TENM1: variants seen among roughly 807,000 people sequenced by gnomAD.
TENM1 encodes the protein teneurin-1.
In TENM1, 35 loss-of-function variants were observed where a neutral mutation model predicts 174.8. The ratio of observed to expected loss-of-function variants is 0.20; its 90% CI spans 0.15 to 0.27. The LOEUF is 0.27. Ranked by LOEUF, TENM1 falls within the 10% of genes least tolerant of loss-of-function variation. The pLI is 1.00. For synonymous variants in TENM1, 781 were observed against 798.7 expected, an observed-to-expected ratio of 0.98 and a Z score of 0.37; for missense variants, 1,633 against 2,130.1, an observed-to-expected ratio of 0.77 and a Z score of 4.59.
the TENM1 span, among the ~76,000 whole-genome samples, chrX:125,097,952 A>G: frequency 9.0e-6 from 1 of 110,563 alleles, no homozygotes; most frequent in African/African-American, 3.3e-5. Context: ...TAACTTGACT[A>G]ACGTCAAATT....
chrX:124,716,161 C>G (rs948170180), intron 4 of TENM1, among the ~76,000 whole-genome samples: 3 of 111,840 alleles, frequency 2.7e-5, no homozygotes, highest in African/African-American at 9.8e-5. Flanking sequence ...CTTAATCTAT[C>G]CAGCATAACA....
chrX:124,403,286 C>T (rs1290794379), intron 27 of TENM1, among the ~76,000 whole-genome samples: 5 of 109,918 alleles, frequency 4.5e-5, no homozygotes, highest in Non-Finnish European at 7.6e-5. Context: ...TTTGGGAGGC[C>T]GAGGCAGGTG....
At chrX:124,502,941 A>G (rs2047366466) in intron 19 of TENM1, among the ~76,000 whole-genome samples, 1 of 111,851 alleles carries the variant, frequency 8.9e-6, no homozygotes, top group Non-Finnish European at 1.9e-5. Flanking sequence ...TGGTCAGTTC[A>G]TGGCCTTATA....
At chrX:125,095,544 T>C in the TENM1 span, among the ~76,000 whole-genome samples, 1 of 111,916 alleles carries the variant, frequency 8.9e-6, no homozygotes, top group Non-Finnish European at 1.9e-5. Context: ...TATATTTAAA[T>C]ACTTCATTTG....
At chrX:124,498,131 T>C (rs1390637490) in intron 19 of TENM1, among the ~76,000 whole-genome samples, 1 of 111,587 alleles carries the variant, frequency 9.0e-6, no homozygotes, top group Non-Finnish European at 1.9e-5. Context: ...TTGTGAGTGG[T>C]TGTACCATGC....
chrX:124,748,685 T>C (rs2053993299), intron 3 of TENM1, among the ~76,000 whole-genome samples: 1 of 112,041 alleles, frequency 8.9e-6, no homozygotes, highest in Admixed American at 9.5e-5. Context: ...CTTGTTTAAA[T>C]TAGTAAGTAC....
At chrX:125,090,433 G>A in the TENM1 span, among the ~76,000 whole-genome samples, 2 of 109,239 alleles carry the variant, frequency 1.8e-5, no homozygotes, top group African/African-American at 6.7e-5. Flanking sequence ...ATCGCTTGAG[G>A]CCAGGAGTTC....
the TENM1 span, among the ~76,000 whole-genome samples, chrX:124,979,388 T>C: frequency 8.9e-6 from 1 of 112,048 alleles, no homozygotes; most frequent in African/African-American, 3.2e-5. Context: ...ATAACTGATG[T>C]TTTAATGGCA....
At chrX:124,894,429 C>T in intron 2 of TENM1, 77 bp from the exon 6 acceptor site, 7 of 730,110 alleles carry the variant, frequency 9.6e-6, no homozygotes, top group South Asian at 8.3e-5. Flanking sequence ...CCTTACCCTT[C>T]ATCTAGTGGT....
At chrX:124,483,782 G>C (rs2046896376) in intron 21 of TENM1, among the ~76,000 whole-genome samples, 1 of 112,192 alleles carries the variant, frequency 8.9e-6, no homozygotes, top group African/African-American at 3.2e-5. Context: ...TCTAGTGGGA[G>C]AGACAGATAA....
chrX:124,902,807 T>C (rs2057685243), intron 1 of TENM1, among the ~76,000 whole-genome samples: 1 of 112,413 alleles, frequency 8.9e-6, no homozygotes. Context: ...CTTAGAAAAT[T>C]AGTTCAATTT....
chrX:124,896,788 A>G (rs1161636552), intron 1 of TENM1, among the ~76,000 whole-genome samples: 16 of 111,773 alleles, frequency 1.4e-4, no homozygotes. Context: ...TCAGTACCTA[A>G]TATCATTATT....
chrX:124,920,243 A>G (rs1226429633), intron 1 of TENM1, among the ~76,000 whole-genome samples: 1 of 111,537 alleles, frequency 9.0e-6, no homozygotes, highest in East Asian at 2.8e-4. Context: ...ATAAGCATAA[A>G]CACTTTTTTG....
At chrX:124,583,704 G>C (rs2049398759) in intron 11 of TENM1, among the ~76,000 whole-genome samples, 1 of 112,368 alleles carries the variant, frequency 8.9e-6, no homozygotes, top group African/African-American at 3.2e-5. Context: ...TTGACGAGTT[G>C]AGAGAAGAAG....
intron 11 of TENM1, among the ~76,000 whole-genome samples, chrX:124,582,368 G>T (rs186975648): frequency 9.0e-6 from 1 of 111,710 alleles, no homozygotes; most frequent in East Asian, 2.8e-4. Flanking sequence ...CTATGAGCAT[G>T]GAATGTTTTT....
chrX:124,653,835 A>G, intron 6 of TENM1, 52 bp from the exon 10 acceptor site: 1 of 1,045,161 alleles, frequency 9.6e-7, no homozygotes, highest in East Asian at 3.0e-5. Context: ...TAATTTATAA[A>G]GCAATGGTTT....
At chrX:125,046,485 G>A in the TENM1 span, among the ~76,000 whole-genome samples, 9 of 112,114 alleles carry the variant, frequency 8.0e-5, no homozygotes, top group East Asian at 8.5e-4. Flanking sequence ...ATGTAATCCC[G>A]TATCAGGTGG....
chrX:125,172,664 C>T, the TENM1 span, among the ~76,000 whole-genome samples: 1 of 94,857 alleles, frequency 1.1e-5, no homozygotes, highest in South Asian at 5.2e-4. Context: ...GAGAGGGAGG[C>T]GTGAAACTAG....
chrX:124,752,236 T>C (rs914279032), intron 3 of TENM1, among the ~76,000 whole-genome samples: 2 of 106,410 alleles, frequency 1.9e-5, no homozygotes, highest in Non-Finnish European at 3.8e-5. Context: ...ATTTCTCTGA[T>C]AGCCAGTGAT....
Sources: allele counts gnomAD v4.1 joint callset (sites outside exome capture counted in the v4.1 genomes callset), GRCh38; gene constraint gnomAD v4.1.1; transcripts MANE v1.5; gene names NCBI Gene and HGNC (gene_info 2026-07-23, HGNC 2026-07-21).